SPATS2L: variants seen among roughly 807,000 people sequenced by gnomAD.
The protein encoded by SPATS2L is SPATS2-like protein.
In SPATS2L, 30 loss-of-function variants were observed where a neutral mutation model predicts 59.6. The ratio of observed to expected loss-of-function variants is 0.50; its 90% confidence interval spans 0.38 to 0.68. The LOEUF (loss-of-function observed/expected upper bound fraction) is 0.68, where lower values mean the gene tolerates loss of function less well. SPATS2L is among the 30% of genes least tolerant of loss of function. The pLI is 0.00. For missense variants in SPATS2L, 615 were observed against 700.0 expected (o/e 0.88, Z 1.37); for synonymous variants, 252 against 263.5 (o/e 0.96, Z 0.42).
chr2:200,411,790 A>G (rs2105986881), intron 3 of SPATS2L, among the ~76,000 whole-genome samples: 2 of 152,354 alleles, frequency 1.3e-5, no homozygotes, highest in South Asian at 4.1e-4. Context: ...TACCATTTCA[A>G]AAATACAATG....
chr2:200,339,318 A>G (rs1435248664), intron 2 of SPATS2L, among the ~76,000 whole-genome samples: 2 of 152,058 alleles, frequency 1.3e-5, no homozygotes, highest in Admixed American at 6.6e-5. Context: ...ATAACCCTAT[A>G]GCATGCTTCC....
intron 2 of SPATS2L, among the ~76,000 whole-genome samples, chr2:200,354,550 G>A (rs1219276799): frequency 6.6e-6 from 1 of 152,072 alleles, no homozygotes; most frequent in Non-Finnish European, 1.5e-5. Flanking sequence ...GGAGGTTGCA[G>A]TGAGCTGAGA....
chr2:200,309,523 A>G (rs953482014), intron 1 of SPATS2L, among the ~76,000 whole-genome samples: 1 of 152,206 alleles, frequency 6.6e-6, no homozygotes, highest in African/African-American at 2.4e-5. Flanking sequence ...TATGTTTTTT[A>G]TAATTTCTGT....
chr2:200,479,068 A>G lies in SPATS2L; in HGVS notation c.*1037A>G, dbSNP rs906016132. The G allele has an allele frequency of 2.0e-5, 3 of 152,228 alleles. No homozygotes were observed. Among genetic ancestry groups the G allele is most frequent in the African/African-American group, 7.3e-5 (3 of 41,364 alleles). The allele number at this position is 152,228 out of a possible 1,614,324, so 9.4% of individuals were successfully genotyped here. A position where few individuals can be genotyped will look rare whatever the true frequency, so the allele number is the denominator to read the frequency against. Reference sequence around the variant, plus strand: ...CAGGCATGTGCCACCACGCCCTGCTAATTTTTATATTATTAGTACAGACAG... The same window carrying G: ...CAGGCATGTGCCACCACGCCCTGCTGATTTTTATATTATTAGTACAGACAG... On this transcript the variant is annotated 3_prime_UTR_variant, in exon 13 of 13. Coordinates refer to ENST00000409140, the MANE Select transcript of SPATS2L (RefSeq NM_001100423.2).
chr2:200,457,598 T>C (rs1486551399), intron 8 of SPATS2L, among the ~76,000 whole-genome samples: 2 of 152,252 alleles, frequency 1.3e-5, no homozygotes, highest in East Asian at 3.8e-4. Context: ...AAAGTGATCA[T>C]ATCCAGTGAC....
intron 8 of SPATS2L, among the ~76,000 whole-genome samples, chr2:200,448,270 T>C (rs952829791): frequency 6.6e-6 from 1 of 152,074 alleles, no homozygotes; most frequent in Non-Finnish European, 1.5e-5. Flanking sequence ...GGCTAAACCC[T>C]GTCTCTACTA....
rs566888762 is a variant in SPATS2L, at chr2:200,408,297, A to G, written c.40-4014A>G. 3.9e-5 allele frequency among the ~76,000 whole-genome samples: 6 copies of G among 152,274 alleles called. No homozygotes were observed. The East Asian group carries it at 9.6e-4, about 24-fold the overall frequency. ...CATTTAGAAAGCAAGTTGGAGCCCA[A>G]TTGTTGCTGGCGTTGAATGCCAGGT... is the stretch of plus-strand genomic sequence containing the variant. On this transcript the variant is annotated intron_variant, in intron 3 of 12. Coordinates refer to ENST00000409140, the MANE Select transcript of SPATS2L (RefSeq NM_001100423.2).
chr2:200,403,922 C>A (rs377493576), intron 3 of SPATS2L, among the ~76,000 whole-genome samples: 2 of 152,342 alleles, frequency 1.3e-5, no homozygotes, highest in South Asian at 4.1e-4. Context: ...CTAAAACTCT[C>A]ACGCAGAGGA....
intron 6 of SPATS2L, among the ~76,000 whole-genome samples, chr2:200,420,892 A>AACAC (rs938063177): frequency 1.2e-4 from 18 of 151,690 alleles, no homozygotes; most frequent in Non-Finnish European, 4.4e-5. Flanking sequence ...CCCCACCGCC[A>AACAC]ACACACACAC....
At chr2:200,420,341 A>C (rs897535141) in intron 6 of SPATS2L, among the ~76,000 whole-genome samples, 2 of 152,238 alleles carry the variant, frequency 1.3e-5, no homozygotes, top group African/African-American at 4.8e-5. Flanking sequence ...AATTTCAATA[A>C]ATAAAAATAT....
chr2:200,443,004 C>A (rs981703582), intron 8 of SPATS2L, among the ~76,000 whole-genome samples: 5 of 152,144 alleles, frequency 3.3e-5, no homozygotes, highest in Non-Finnish European at 7.3e-5. Context: ...TTTTGGTATG[C>A]CATTGCTATA....
At chr2:200,477,554 A>C in intron 12 of SPATS2L, 82 bp from the exon 13 acceptor site, 41 of 609,762 alleles carry the variant, frequency 6.7e-5, no homozygotes, top group Non-Finnish European at 9.6e-5. Context: ...CCTGTGGCTT[A>C]GAGATTTGGT....
In SPATS2L at chr2:200,408,336, C is replaced by T. The variant is rs1019656525; in HGVS notation, c.40-3975C>T. Among the ~76,000 whole-genome samples the T allele has an allele frequency of 5.3e-5, 8 of 152,284 alleles. No individual in the cohort carries two copies. In the East Asian group the frequency reaches 1.5e-3, roughly 29 times the overall value. On this transcript the variant is annotated intron_variant, in intron 3 of 12. Coordinates refer to ENST00000409140, the MANE Select transcript of SPATS2L (RefSeq NM_001100423.2). ...TGAATGCCAGGTTGCAGATAATGAACTTTATTCTTAAGTTCTTAAGGAAGA... is the reference window on the plus strand; with the variant it reads ...TGAATGCCAGGTTGCAGATAATGAATTTTATTCTTAAGTTCTTAAGGAAGA...
rs149829993 is a variant in SPATS2L at position 200,307,004 on chromosome 2, C to T, written c.-73+82C>T. ...CGCGGAGGGGCCTGCGCGGCCGGGA[C>T]GGAGACTCGGCTGGGCCGAGCATTC... On this transcript the variant is annotated intron_variant, in intron 1 of 12. Coordinates refer to ENST00000409140, the MANE Select transcript of SPATS2L (RefSeq NM_001100423.2). The T allele has an allele frequency of 3.7e-3, 3,644 of 974,542 alleles. 119 individuals are homozygous for T. The African/African-American group carries it at 0.059, about 16-fold the overall frequency. The allele number at this position is 974,542 out of a possible 1,614,324, so 60.4% of individuals were successfully genotyped here.
At chr2:200,438,811 T>C (rs2084484008) in intron 6 of SPATS2L, among the ~76,000 whole-genome samples, 1 of 152,148 alleles carries the variant, frequency 6.6e-6, no homozygotes, top group Non-Finnish European at 1.5e-5. Context: ...GCTCATCTTC[T>C]ATAAGCCTCT....
chr2:200,331,626 C>G (rs766168488), intron 2 of SPATS2L, among the ~76,000 whole-genome samples: 56 of 152,170 alleles, frequency 3.7e-4, no homozygotes, highest in Admixed American at 8.5e-4. Flanking sequence ...GCAGTGGGAC[C>G]TTGGTCAAGT....
chr2:200,347,422 CAGGATGGTCAA>C (rs1485577545), intron 2 of SPATS2L, among the ~76,000 whole-genome samples: 2 of 152,154 alleles, frequency 1.3e-5, no homozygotes, highest in Non-Finnish European at 2.9e-5. Context: ...CACCTGGTCA[CAGGATGGTCAA>C]GTCAGCTTTA....
intron 3 of SPATS2L, among the ~76,000 whole-genome samples, chr2:200,407,880 G>A (rs2082741270): frequency 2.0e-5 from 3 of 152,196 alleles, no homozygotes; most frequent in African/African-American, 7.2e-5. Flanking sequence ...GCCGCCTGGT[G>A]TAGCTATAAG....
intron 1 of SPATS2L, among the ~76,000 whole-genome samples, chr2:200,309,793 G>A (rs2079137378): frequency 6.6e-6 from 1 of 152,074 alleles, no homozygotes; most frequent in Admixed American, 6.5e-5. Context: ...TTTTGAAGTA[G>A]TCTTGCTATG....
Sources: allele counts gnomAD v4.1 joint callset (sites outside exome capture counted in the v4.1 genomes callset), GRCh38; gene constraint gnomAD v4.1.1; transcripts MANE v1.5; gene names NCBI Gene and HGNC (gene_info 2026-07-23, HGNC 2026-07-21).